The following TYW1B variants were observed in gnomAD, a reference collection of about 807,000 sequenced individuals.
TYW1B encodes tRNA-yW synthesizing protein 1 homolog B.
Under a neutral mutation model 86.9 loss-of-function variants are expected in TYW1B, and 73 were observed. That is an observed-to-expected ratio of 0.84 (90% CI 0.70 to 1.02). The LOEUF is 1.02. TYW1B is among the 50% of genes least tolerant of loss of function. The pLI, the probability that TYW1B is intolerant of heterozygous loss-of-function variation, is 0.00. For missense variants in TYW1B, 637 were observed against 827.4 expected, an observed-to-expected ratio of 0.77 and a Z score of 2.82; for synonymous variants, 248 against 292.8, an observed-to-expected ratio of 0.85 and a Z score of 1.56.
chr7:72,692,847 C>A (rs1814205935), intron 11 of TYW1B, among the ~76,000 whole-genome samples: 1 of 151,968 alleles, frequency 6.6e-6, no homozygotes, highest in African/African-American at 2.4e-5. Flanking sequence ...ATGGTGGGCA[C>A]GTGTGCAGAA....
chr7:72,721,063 T>TA (rs1554457377), intron 9 of TYW1B, among the ~76,000 whole-genome samples: 1 of 152,078 alleles, frequency 6.6e-6, no homozygotes, highest in African/African-American at 2.4e-5. Context: ...CCATGTCCCT[T>TA]AAAAAAACAT....
chr7:72,730,472 A>C (rs1205821447), intron 8 of TYW1B, among the ~76,000 whole-genome samples: 15 of 146,404 alleles, frequency 1.0e-4, no homozygotes, highest in Non-Finnish European at 1.5e-4. Context: ...ATACTAGATC[A>C]AGGAGAACAA....
intron 10 of TYW1B, among the ~76,000 whole-genome samples, chr7:72,695,434 G>A (rs757654111): frequency 6.6e-6 from 1 of 152,148 alleles, no homozygotes; most frequent in Non-Finnish European, 1.5e-5. Context: ...TTACACAGGA[G>A]CACAGCCCAG....
chr7:72,689,638 A>C (rs1554450023), intron 11 of TYW1B, among the ~76,000 whole-genome samples: 2 of 152,224 alleles, frequency 1.3e-5, no homozygotes, highest in Non-Finnish European at 2.9e-5. Flanking sequence ...TGTAATGACA[A>C]GGAAAAATAC....
At chr7:72,753,258 G>A (rs1409623731) in intron 7 of TYW1B, among the ~76,000 whole-genome samples, 1 of 151,970 alleles carries the variant, frequency 6.6e-6, no homozygotes, top group African/African-American at 2.4e-5. Flanking sequence ...ATCAACTGGT[G>A]GGATTTTTTT....
chr7:72,695,648 A>AGT (rs1814298595), intron 10 of TYW1B, among the ~76,000 whole-genome samples: 1 of 152,042 alleles, frequency 6.6e-6, no homozygotes, highest in African/African-American at 2.4e-5. Flanking sequence ...GCTGGAGTGC[A>AGT]GTGGCACAAT....
chr7:72,632,400 A>AAT (rs781949551), intron 11 of TYW1B, among the ~76,000 whole-genome samples: 4 of 81,724 alleles, frequency 4.9e-5, no homozygotes, highest in East Asian at 2.3e-4. Context: ...ATATATATAT[A>AAT]ATATATATAT....
intron 7 of TYW1B, among the ~76,000 whole-genome samples, chr7:72,762,967 A>C (rs1404200304): frequency 7.2e-5 from 11 of 151,854 alleles, no homozygotes; most frequent in Non-Finnish European, 1.2e-4. Flanking sequence ...GCCACAAGGT[A>C]CTAGTTTTCT....
chr7:72,619,766 C>A (rs1812171650), intron 12 of TYW1B, among the ~76,000 whole-genome samples: 1 of 151,624 alleles, frequency 6.6e-6, no homozygotes, highest in South Asian at 2.1e-4. Flanking sequence ...TAAAAGTGTA[C>A]TCTATCTCAA....
At chr7:72,627,512 T>TAACATAACATAAATAAAATA (rs782405637) in intron 12 of TYW1B, among the ~76,000 whole-genome samples, 4 of 143,322 alleles carry the variant, frequency 2.8e-5, no homozygotes, top group Admixed American at 1.4e-4. Flanking sequence ...TAACATAACA[T>TAACATAACATAAATAAAATA]AAATAAAATA....
intron 11 of TYW1B, among the ~76,000 whole-genome samples, chr7:72,690,366 T>C (rs1814117673): frequency 6.6e-6 from 1 of 152,270 alleles, no homozygotes; most frequent in Non-Finnish European, 1.5e-5. Flanking sequence ...ACACATTTTT[T>C]ACTCTGGTAT....
intron 6 of TYW1B, among the ~76,000 whole-genome samples, chr7:72,792,872 T>C (rs1267703222): frequency 6.6e-6 from 1 of 152,182 alleles, no homozygotes; most frequent in Non-Finnish European, 1.5e-5. Flanking sequence ...ATCCCATTTG[T>C]GTAGCCAAAA....
At chr7:72,764,431 C>T (rs1208001933) in intron 7 of TYW1B, among the ~76,000 whole-genome samples, 2 of 152,116 alleles carry the variant, frequency 1.3e-5, no homozygotes, top group African/African-American at 4.8e-5. Flanking sequence ...TACAGGCGCC[C>T]GCCACCACGC....
chr7:72,606,189 C>T (rs565496201), intron 13 of TYW1B, among the ~76,000 whole-genome samples: 15 of 149,054 alleles, frequency 1.0e-4, no homozygotes, highest in East Asian at 2.3e-4. Flanking sequence ...CTGCAGACAA[C>T]TATTGGATAA....
rs782128548 is a variant in TYW1B at position 72,813,171 on chromosome 7, C to CTT, written c.237+2207_237+2208dup. On this transcript the variant is annotated intron_variant, in intron 3 of 13. Transcript: ENST00000620995. Reference sequence around the variant, plus strand: ...TCAACCCCAGCTCTACATACTTCTTCTTTTTTTTTTTTTTTTTTTTTGAGA... The same window carrying CTT: ...TCAACCCCAGCTCTACATACTTCTTCTTTTTTTTTTTTTTTTTTTTTTTGAGA... 6.0e-3 allele frequency among the ~76,000 whole-genome samples: 746 copies of CTT among 123,686 alleles called. 17 individuals are homozygous for CTT. The highest frequency in any genetic ancestry group is 0.02 in the African/African-American group (638 of 32,460). The allele number at this position is 123,686 out of a possible 152,430, so 81.1% of individuals were successfully genotyped here. A position where few individuals can be genotyped will look rare whatever the true frequency, so the allele number is the denominator to read the frequency against.
chr7:72,681,538 T>TA (rs35156940), intron 11 of TYW1B, among the ~76,000 whole-genome samples: 19 of 150,458 alleles, frequency 1.3e-4, no homozygotes, highest in African/African-American at 4.6e-4. Flanking sequence ...AAATCCATAT[T>TA]AAAAAAATAT....
intron 13 of TYW1B, among the ~76,000 whole-genome samples, chr7:72,595,168 G>T (rs1201824106): frequency 6.6e-6 from 1 of 152,060 alleles, no homozygotes; most frequent in African/African-American, 2.4e-5. Flanking sequence ...GAAATACAAG[G>T]TATCCAAATT....
chr7:72,744,676 T>C, intron 7 of TYW1B, 75 bp from the exon 8 acceptor site: 1 of 1,461,028 alleles, frequency 6.8e-7, no homozygotes, highest in Non-Finnish European at 9.6e-7. Context: ...GCATCATTTT[T>C]AAGAGAAACC....
At chr7:72,676,238 G>A (rs2844205) in intron 11 of TYW1B, among the ~76,000 whole-genome samples, 3 of 152,064 alleles carry the variant, frequency 2.0e-5, no homozygotes, top group East Asian at 1.9e-4. Flanking sequence ...CAATTTCCTC[G>A]TCTGTAAAAC....
Sources: allele counts gnomAD v4.1 joint callset (sites outside exome capture counted in the v4.1 genomes callset), GRCh38; gene constraint gnomAD v4.1.1; transcripts MANE v1.5; gene names NCBI Gene and HGNC (gene_info 2026-07-23, HGNC 2026-07-21).